PWWP2A: variants seen among roughly 807,000 people sequenced by gnomAD.
PWWP2A encodes PWWP domain containing 2A, also known as PWWP domain-containing protein 2A.
Under a neutral mutation model 48.5 loss-of-function variants are expected in PWWP2A, and 18 were observed. That is an observed-to-expected ratio of 0.37 (90% confidence interval 0.26 to 0.55). The LOEUF (loss-of-function observed/expected upper bound fraction) is 0.55, where lower values mean the gene tolerates loss of function less well. Among genes scored for constraint, PWWP2A ranks in the 20% least tolerant of loss-of-function variants. PWWP2A has a pLI of 0.81. For missense variants in PWWP2A, 867 were observed against 976.4 expected (o/e 0.89, Z 1.49); for synonymous variants, 396 against 387.7 (o/e 1.02, Z -0.25).
chr5:160,055,757 A>G, the PWWP2A span, among the ~76,000 whole-genome samples: 24 of 152,360 alleles, frequency 1.6e-4, no homozygotes, highest in African/African-American at 5.5e-4. Flanking sequence ...GGGCATGGCT[A>G]AGAGGGGCGT....
chr5:160,048,309 G>A, the PWWP2A span, among the ~76,000 whole-genome samples: 3 of 151,882 alleles, frequency 2.0e-5, no homozygotes, highest in East Asian at 1.9e-4. Flanking sequence ...ACACTGCCAC[G>A]CCCAGCTAAT....
At chr5:160,100,289 AGAGT>A (rs1286121064) in intron 1 of PWWP2A, among the ~76,000 whole-genome samples, 1 of 152,140 alleles carries the variant, frequency 6.6e-6, no homozygotes, top group African/African-American at 2.4e-5. Flanking sequence ...CCTGGGAGAC[AGAGT>A]GAGACTTCAT....
downstream of PWWP2A, among the ~76,000 whole-genome samples, chr5:160,087,312 C>T (rs189229346): frequency 1.5e-3 from 233 of 151,512 alleles, 1 homozygote; most frequent in Non-Finnish European, 1.4e-3. Flanking sequence ...ACTGCTTGAC[C>T]CCAGGAAGTC....
chr5:160,073,289 C>T (rs1019878089), downstream of PWWP2A, among the ~76,000 whole-genome samples: 3 of 149,790 alleles, frequency 2.0e-5, no homozygotes, highest in East Asian at 2.0e-4. Flanking sequence ...AGTACAGTGG[C>T]GCGATCTCAG....
chr5:160,049,013 G>A, the PWWP2A span, among the ~76,000 whole-genome samples: 1 of 152,076 alleles, frequency 6.6e-6, no homozygotes, highest in Non-Finnish European at 1.5e-5. Context: ...GCCTGTCCTG[G>A]ACTGGGTAAA....
chr5:160,099,929 G>A (rs1227107959), intron 1 of PWWP2A, among the ~76,000 whole-genome samples: 12 of 151,962 alleles, frequency 7.9e-5, no homozygotes, highest in Non-Finnish European at 2.9e-5. Flanking sequence ...GCCTCCCAAA[G>A]TATTAGGATT....
In PWWP2A at chr5:160,082,241, G is replaced by A. The variant is rs1031766013; in HGVS notation, c.1550-1471C>T. Among the ~76,000 whole-genome samples, 6 of 151,894 alleles carry A rather than the reference G, an allele frequency of 4.0e-5. No individual in the cohort carries two copies. In the East Asian group the frequency reaches 7.7e-4, roughly 20 times the overall value. The stretch of plus-strand genomic sequence containing the variant: ...GGGTGGATCACGAGGTCAGGAGATC[G>A]AGACCATCCTGGCTAACACGGTGAA... On this transcript the variant is annotated intron_variant, in intron 2 of 3. Transcript: ENST00000456329.
chr5:160,044,865 A>G, the PWWP2A span, among the ~76,000 whole-genome samples: 1 of 152,134 alleles, frequency 6.6e-6, no homozygotes, highest in East Asian at 1.9e-4. Context: ...GATGCCTCTG[A>G]CACTCTAATT....
downstream of PWWP2A, among the ~76,000 whole-genome samples, chr5:160,087,124 C>T (rs924370496): frequency 4.6e-5 from 7 of 152,094 alleles, no homozygotes; most frequent in Admixed American, 2.6e-4. Flanking sequence ...TGCCTATAAT[C>T]CTAGCACTTT....
the PWWP2A span, among the ~76,000 whole-genome samples, chr5:160,049,995 C>T: frequency 6.6e-6 from 1 of 152,128 alleles, no homozygotes; most frequent in Non-Finnish European, 1.5e-5. Context: ...ATTGCTTGAA[C>T]CCAGAAGGCA....
chr5:160,059,525 CT>C (rs1466126999), downstream of PWWP2A, among the ~76,000 whole-genome samples: 1 of 152,200 alleles, frequency 6.6e-6, no homozygotes, highest in Non-Finnish European at 1.5e-5. Context: ...TGAAGTAGCA[CT>C]TTTAATTTTG....
chr5:160,097,549 G>C (rs1755796218), intron 1 of PWWP2A, among the ~76,000 whole-genome samples: 1 of 151,548 alleles, frequency 6.6e-6, no homozygotes, highest in Admixed American at 6.6e-5. Flanking sequence ...AGAATCGCTT[G>C]AACCCGGGAG....
At chr5:160,047,038 T>C in the PWWP2A span, among the ~76,000 whole-genome samples, 2 of 151,960 alleles carry the variant, frequency 1.3e-5, no homozygotes, top group Non-Finnish European at 2.9e-5. Context: ...GCAACAAAAA[T>C]GCAATTAAGG....
chr5:160,061,758 T>A (rs1434721168), downstream of PWWP2A: 1 of 152,158 alleles, frequency 6.6e-6, no homozygotes, highest in African/African-American at 2.4e-5. Context: ...TAATTATCTA[T>A]GTGTTAGTTT....
chr5:160,073,792 C>T (rs961407875), downstream of PWWP2A, among the ~76,000 whole-genome samples: 3 of 152,042 alleles, frequency 2.0e-5, no homozygotes, highest in East Asian at 2.0e-4. Flanking sequence ...AAGCCGGGTG[C>T]GGTGGCTCAC....
the PWWP2A span, among the ~76,000 whole-genome samples, chr5:160,056,776 A>G: frequency 2.6e-5 from 4 of 152,130 alleles, no homozygotes; most frequent in African/African-American, 7.2e-5. Context: ...TTAAAGAGCT[A>G]TATATGGAGA....
At position 160,093,295 on chromosome 5, in the gene PWWP2A, G is replaced by C. The variant is rs1755275590; in HGVS notation, c.1355C>G (p.Ala452Gly). 1.2e-6 allele frequency: 2 copies of C among 1,613,970 alleles called. No individual in the cohort carries two copies. Among genetic ancestry groups the C allele is most frequent in the South Asian group, 2.2e-5 (2 of 91,078 alleles). ...KQNETSTSKN[A>G]HSKVHFTRRY... is the part of the protein sequence containing the mutation. ...ACGTGTGAAATGGACTTTTGAATGT[G>C]CATTTTTGGAAGTAGAGGTTTCATT... The change falls in exon 2 of 2, where the codon GCA (alanine) becomes GGA (glycine). Residue 452 changes from alanine to glycine, a missense_variant. This residue lies in a region of PWWP2A where 382 missense variants were observed against 407.2 expected (regional missense o/e 0.94). Coordinates refer to ENST00000307063, the MANE Select transcript of PWWP2A (RefSeq NM_001130864.2). This position sits in a 1 kb window ranked among gnomAD's most constrained non-coding sequence, Gnocchi z 5.8.
the PWWP2A span, among the ~76,000 whole-genome samples, chr5:160,053,691 A>G: frequency 0.02 from 3,007 of 152,292 alleles, 149 homozygotes; most frequent in South Asian, 0.17. Context: ...GGATTTTTCT[A>G]TTTCTGTGAA....
chr5:160,066,051 C>T (rs7715826), intron 4 of PWWP2A, among the ~76,000 whole-genome samples: 10,642 of 152,198 alleles, frequency 0.07, 455 homozygotes, highest in African/African-American at 0.12. Context: ...AGTAGTCAGT[C>T]ATACTCCCAG....
Sources: gnomAD v4.1 joint callset for allele counts (sites outside exome capture counted in the v4.1 genomes callset) on GRCh38, gnomAD v4.1.1 for gene constraint, gnomAD v4.1.1 regional missense constraint, Gnocchi (gnomAD v3.1) non-coding constraint, MANE v1.5 for transcripts, NCBI Gene and HGNC (gene_info 2026-07-23, HGNC 2026-07-21) for gene names.